Variants in PROM1 observed in about 807,000 individuals in gnomAD.
PROM1 encodes the protein prominin-1.
PROM1 carries 105 observed loss-of-function variants against 116.9 expected under a neutral mutation model. That is an observed-to-expected ratio of 0.90 (90% CI 0.77 to 1.06). PROM1 has a LOEUF of 1.06. Ranked by LOEUF, PROM1 falls within the 50% of genes least tolerant of loss-of-function variation. The pLI is 0.00. For synonymous variants in PROM1, 393 were observed against 387.0 expected, an observed-to-expected ratio of 1.02 and a Z score of -0.18; for missense variants, 1,122 against 1,045.2, an observed-to-expected ratio of 1.07 and a Z score of -1.01.
At chr4:15,972,367 T>A (rs925822711) in intron 26 of PROM1, among the ~76,000 whole-genome samples, 5 of 152,188 alleles carry the variant, frequency 3.3e-5, no homozygotes, top group South Asian at 4.1e-4. Context: ...TGCTGGCATC[T>A]GGTGAGGGCT....
chr4:15,981,966 C>T (rs189214941), intron 23 of PROM1, among the ~76,000 whole-genome samples: 16 of 152,248 alleles, frequency 1.1e-4, no homozygotes, highest in Admixed American at 9.8e-4. Flanking sequence ...GACATTTGTC[C>T]TCAGTGGTGA....
At chr4:15,998,968 G>T (rs1459536625) in intron 14 of PROM1, among the ~76,000 whole-genome samples, 2 of 152,070 alleles carry the variant, frequency 1.3e-5, no homozygotes, top group Non-Finnish European at 2.9e-5. Flanking sequence ...GACCTCAGGT[G>T]ATCCACCCAC....
At chr4:16,031,819 AT>A (rs1184035934) in intron 5 of PROM1, among the ~76,000 whole-genome samples, 4 of 152,228 alleles carry the variant, frequency 2.6e-5, no homozygotes. Flanking sequence ...AAGGTCGATT[AT>A]TCCACTATTA....
intron 23 of PROM1, among the ~76,000 whole-genome samples, chr4:15,983,691 G>C (rs1213123982): frequency 1.3e-5 from 2 of 152,176 alleles, no homozygotes; most frequent in East Asian, 3.9e-4. Flanking sequence ...GTGAGATCTG[G>C]AATGGGGAGG....
At chr4:16,008,175 C>T (rs1221038002) in intron 12 of PROM1, among the ~76,000 whole-genome samples, 2 of 152,148 alleles carry the variant, frequency 1.3e-5, no homozygotes, top group African/African-American at 4.8e-5. Context: ...AATGAGTCTC[C>T]GGACTCCCCA....
chr4:16,012,787 C>T (rs933390920), intron 11 of PROM1, among the ~76,000 whole-genome samples: 14 of 144,010 alleles, frequency 9.7e-5, no homozygotes, highest in Admixed American at 2.9e-4. Flanking sequence ...AGGAGAATGG[C>T]GTGAACCCGG....
intron 2 of PROM1, among the ~76,000 whole-genome samples, chr4:16,065,409 A>T (rs1741296585): frequency 6.6e-6 from 1 of 152,148 alleles, no homozygotes; most frequent in East Asian, 1.9e-4. Flanking sequence ...TACTTCCTCC[A>T]GGAAGCCTTC....
At chr4:16,020,113 G>A (rs1481229519) in intron 8 of PROM1, among the ~76,000 whole-genome samples, 2 of 152,130 alleles carry the variant, frequency 1.3e-5, no homozygotes, top group African/African-American at 4.8e-5. Context: ...GAGCTCTTAG[G>A]AGATGGTCTC....
At chr4:16,012,857 C>A (rs1253116509) in intron 11 of PROM1, among the ~76,000 whole-genome samples, 6 of 122,386 alleles carry the variant, frequency 4.9e-5, no homozygotes, top group Non-Finnish European at 9.6e-5. Context: ...AGCGACAGAG[C>A]GAGACTCTGT....
At chr4:16,044,409 A>G (rs1736031121) in intron 2 of PROM1, among the ~76,000 whole-genome samples, 1 of 152,226 alleles carries the variant, frequency 6.6e-6, no homozygotes, top group Non-Finnish European at 1.5e-5. Context: ...TCTGTAAGTC[A>G]GCTTGCTTGG....
intron 12 of PROM1, among the ~76,000 whole-genome samples, chr4:16,006,959 T>G (rs1286161772): frequency 6.6e-6 from 1 of 152,202 alleles, no homozygotes; most frequent in Non-Finnish European, 1.5e-5. Context: ...TCCTTTGCTT[T>G]GATTCCCACG....
chr4:16,007,928 C>G (rs552533419), intron 12 of PROM1, among the ~76,000 whole-genome samples: 1 of 152,256 alleles, frequency 6.6e-6, no homozygotes, highest in South Asian at 2.1e-4. Context: ...GCTTCAAAAC[C>G]TACCTCTGCC....
At position 15,998,408 on chromosome 4, in the gene PROM1, C is replaced by T. The variant is rs931395023; in HGVS notation, c.1659G>A (p.Lys553=). 26 of 1,603,872 alleles carry T rather than the reference C, an allele frequency of 1.6e-5. No individual in the cohort carries two copies. The East Asian group carries it at 5.8e-4, about 36-fold the overall frequency. Residue 553 remains lysine (K), a synonymous_variant, in exon 15 of 28, where the codon AAG becomes AAA. Transcript: ENST00000447510. ...ACCTGTAAACTTGTTCAAAAGTGAG[C>T]TTCATTTTTGATTTATTAAATAGCT... ...SGKLFNKSKM[K]LTFEQVYSDC... is the part of the protein sequence containing the mutation.
At chr4:16,044,668 A>C (rs1047778169) in intron 2 of PROM1, among the ~76,000 whole-genome samples, 4 of 152,246 alleles carry the variant, frequency 2.6e-5, no homozygotes, top group African/African-American at 4.8e-5. Context: ...AATAATATTC[A>C]ATTTAGAGAC....
rs977371695 is a variant in PROM1 at position 16,016,221 on chromosome 4, T to C, written c.1022A>G (p.Glu341Gly). The C allele has an allele frequency of 4.5e-6, 7 of 1,553,324 alleles. No homozygotes were observed. Among genetic ancestry groups the C allele is most frequent in the African/African-American group, 1.4e-5 (1 of 73,286 alleles). Residue 341 changes from glutamate (E) to glycine (G), a missense_variant, in exon 10 of 28, where the codon GAA becomes GGA. Glu to Gly is a moderately conservative substitution (Grantham distance 98). Coordinates refer to ENST00000447510, the MANE Select transcript of PROM1 (RefSeq NM_006017.3). ...AAGAACGTTATTAACGTTGTCAAGTTCTGCATCCACGGGTGGAAGCTGAAA... is the reference window on the plus strand; with the variant it reads ...AAGAACGTTATTAACGTTGTCAAGTCCTGCATCCACGGGTGGAAGCTGAAA... Reference protein sequence around the residue: ...ELRQLPPVDAELDNVNNVLRT... With the variant: ...ELRQLPPVDAGLDNVNNVLRT...
chr4:15,994,345 T>A (rs1166764119), intron 15 of PROM1, among the ~76,000 whole-genome samples: 1 of 152,252 alleles, frequency 6.6e-6, no homozygotes, highest in Non-Finnish European at 1.5e-5. Context: ...CTAGTTCTGC[T>A]GTGGACCACA....
At chr4:16,045,836 T>A (rs7680363) in intron 2 of PROM1, among the ~76,000 whole-genome samples, 17,310 of 152,128 alleles carry the variant, frequency 0.11, 1,190 homozygotes, top group East Asian at 0.23. Flanking sequence ...AGTGGAGCAT[T>A]GCTCAGATGA....
At chr4:16,021,994 G>A (rs184627813) in intron 8 of PROM1, among the ~76,000 whole-genome samples, 2 of 152,186 alleles carry the variant, frequency 1.3e-5, no homozygotes, top group African/African-American at 4.8e-5. Flanking sequence ...AGAAGAGGAA[G>A]GGACATCAGA....
chr4:16,073,299 A>T (rs1427047743), intron 2 of PROM1, among the ~76,000 whole-genome samples: 3 of 152,218 alleles, frequency 2.0e-5, no homozygotes, highest in Non-Finnish European at 4.4e-5. Context: ...TATTAAACTA[A>T]TAAACAATAT....
Sources: gnomAD v4.1 joint callset for allele counts (sites outside exome capture counted in the v4.1 genomes callset) on GRCh38, gnomAD v4.1.1 for gene constraint, MANE v1.5 for transcripts, NCBI Gene and HGNC (gene_info 2026-07-23, HGNC 2026-07-21) for gene names.